Variants in SCFD1 observed in about 807,000 individuals in gnomAD.
SCFD1 encodes sec1 family domain-containing protein 1.
Under a neutral mutation model 103.2 loss-of-function variants are expected in SCFD1, and 37 were observed. The observed-to-expected ratio is 0.36, with a 90% CI of 0.28 to 0.47. The LOEUF is 0.47. Among genes scored for constraint, SCFD1 ranks in the 20% least tolerant of loss-of-function variants. The pLI is 1.00. For missense variants in SCFD1, 639 were observed against 761.2 expected, an observed-to-expected ratio of 0.84 and a Z score of 1.89; for synonymous variants, 264 against 245.0, an observed-to-expected ratio of 1.08 and a Z score of -0.73.
At chr14:30,666,149 T>G (rs944638823) in intron 10 of SCFD1, among the ~76,000 whole-genome samples, 7 of 152,184 alleles carry the variant, frequency 4.6e-5, no homozygotes, top group Non-Finnish European at 8.8e-5. Context: ...GACCACATAG[T>G]TGGTAGTAAA....
intron 7 of SCFD1, among the ~76,000 whole-genome samples, chr14:30,647,812 G>A (rs1885989655): frequency 1.3e-5 from 2 of 152,030 alleles, no homozygotes; most frequent in Admixed American, 1.3e-4. Flanking sequence ...TACCACGCCT[G>A]GCTAATTTTT....
intron 1 of SCFD1, among the ~76,000 whole-genome samples, chr14:30,627,927 G>T (rs997580971): frequency 6.6e-6 from 1 of 150,852 alleles, no homozygotes; most frequent in Non-Finnish European, 1.5e-5. Context: ...AACAGCATCA[G>T]TATATTGAGG....
intron 14 of SCFD1, among the ~76,000 whole-genome samples, chr14:30,681,009 G>A (rs548654758): frequency 1.3e-3 from 200 of 152,270 alleles, no homozygotes; most frequent in Non-Finnish European, 1.6e-3. Context: ...AAGGCAGGCA[G>A]ATCACTTCAG....
intron 23 of SCFD1, among the ~76,000 whole-genome samples, chr14:30,724,660 A>T (rs1892918784): frequency 6.6e-6 from 1 of 152,046 alleles, no homozygotes; most frequent in African/African-American, 2.4e-5. Flanking sequence ...TTCTGTTGAT[A>T]ATTTCTTTTG....
At chr14:30,710,415 A>T in intron 19 of SCFD1, among the ~76,000 whole-genome samples, 1 of 151,100 alleles carries the variant, frequency 6.6e-6, no homozygotes, top group Non-Finnish European at 1.5e-5. Flanking sequence ...TTATATTATC[A>T]TCAAGTAAAA....
intron 4 of SCFD1, 74 bp from the exon 5 acceptor site, chr14:30,638,051 C>T: frequency 1.4e-6 from 2 of 1,412,274 alleles, no homozygotes; most frequent in African/African-American, 1.5e-5. Context: ...ATAACTTTGC[C>T]TTATAGTAGT....
intron 23 of SCFD1, among the ~76,000 whole-genome samples, chr14:30,723,023 A>T (rs771670862): frequency 1.4e-4 from 21 of 152,192 alleles, no homozygotes; most frequent in Non-Finnish European, 2.5e-4. Flanking sequence ...GAGTGCAGGG[A>T]GTAGCAGACA....
intron 11 of SCFD1, 103 bp downstream of exon 11, chr14:30,670,498 T>A (rs1316411662): frequency 1.3e-6 from 1 of 745,934 alleles, no homozygotes; most frequent in Non-Finnish European, 2.1e-6. Context: ...TGTAGGTTCG[T>A]TCACCCAATG....
intron 23 of SCFD1, among the ~76,000 whole-genome samples, chr14:30,727,558 G>T (rs1308098539): frequency 6.6e-6 from 1 of 152,138 alleles, no homozygotes; most frequent in Non-Finnish European, 1.5e-5. Flanking sequence ...AATTTCATCA[G>T]GTCTTATGGG....
chr14:30,684,728 CT>C (rs766941201), intron 14 of SCFD1, among the ~76,000 whole-genome samples: 6,516 of 56,908 alleles, frequency 0.11, 206 homozygotes, highest in African/African-American at 0.2. Context: ...CTCACTTATT[CT>C]TTTTTTTTTT....
intron 14 of SCFD1, among the ~76,000 whole-genome samples, chr14:30,676,844 TATTA>T (rs1889073394): frequency 6.6e-6 from 1 of 152,212 alleles, no homozygotes; most frequent in Non-Finnish European, 1.5e-5. Context: ...GGAAGACAAC[TATTA>T]TAGATGTGTA....
chr14:30,653,571 T>C lies in SCFD1; in HGVS notation c.838T>C (p.Leu280=), dbSNP rs1460951631. The C allele has an allele frequency of 6.2e-7, 1 of 1,611,416 alleles. No individual in the cohort carries two copies. The highest frequency in any genetic ancestry group is 1.1e-5 in the South Asian group (1 of 91,000). The change falls in exon 10 of 25, where the codon TTG becomes CTG. Residue 280 remains leucine (L), a synonymous_variant. Transcript: ENST00000458591. ...ACATCATACTTGGACATATCAAGCA[T>C]TGGTGCACGATGTACTGGTAAGAGA... ...PLHHTWTYQA[L]VHDVLDFHLN... is the part of the protein sequence containing the mutation.
intron 21 of SCFD1, among the ~76,000 whole-genome samples, chr14:30,719,906 G>A (rs8010048): frequency 0.052 from 7,725 of 148,266 alleles, 507 homozygotes; most frequent in African/African-American, 0.16. Flanking sequence ...TTTAATTAGC[G>A]GTGGTATGAC....
At chr14:30,624,447 C>T (rs183817307) in intron 1 of SCFD1, among the ~76,000 whole-genome samples, 2 of 152,266 alleles carry the variant, frequency 1.3e-5, no homozygotes, top group Admixed American at 1.3e-4. Flanking sequence ...CAGTTCCGTC[C>T]TTTTAGTTGT....
At chr14:30,681,583 C>T (rs1005903616) in intron 14 of SCFD1, among the ~76,000 whole-genome samples, 1 of 151,692 alleles carries the variant, frequency 6.6e-6, no homozygotes, top group Admixed American at 6.6e-5. Flanking sequence ...GATAAAAGCT[C>T]ACAAATAATT....
intron 17 of SCFD1, among the ~76,000 whole-genome samples, chr14:30,704,726 G>A (rs1232219717): frequency 6.6e-6 from 1 of 151,818 alleles, no homozygotes; most frequent in Non-Finnish European, 1.5e-5. Context: ...TTTTCTTTAG[G>A]TACTCTTTTT....
chr14:30,681,072 C>G (rs1889429709), intron 14 of SCFD1, among the ~76,000 whole-genome samples: 1 of 151,998 alleles, frequency 6.6e-6, no homozygotes, highest in South Asian at 2.1e-4. Context: ...ACTAAAAATA[C>G]AAAACTTAGC....
chr14:30,671,968 C>A, intron 11 of SCFD1, among the ~76,000 whole-genome samples: 1 of 149,520 alleles, frequency 6.7e-6, no homozygotes, highest in Non-Finnish European at 1.5e-5. Context: ...GAGCCGAGAT[C>A]ACGCCATTGC....
intron 3 of SCFD1, among the ~76,000 whole-genome samples, chr14:30,632,046 G>GAAAAAAAAAA (rs61645782): frequency 1.4e-5 from 1 of 70,266 alleles, no homozygotes; most frequent in Non-Finnish European, 2.6e-5. Flanking sequence ...AGATTCTGTT[G>GAAAAAAAAAA]AAAAAAAAAA....
Sources: allele counts gnomAD v4.1 joint callset (sites outside exome capture counted in the v4.1 genomes callset), GRCh38; gene constraint gnomAD v4.1.1; transcripts MANE v1.5; gene names NCBI Gene and HGNC (gene_info 2026-07-23, HGNC 2026-07-21).